ADRA1A: variants seen among roughly 807,000 people sequenced by gnomAD.
ADRA1A encodes the protein adrenoceptor alpha 1A, also known as alpha-1A adrenergic receptor.
A neutral mutation model predicts 29.6 loss-of-function variants in ADRA1A; 31 were observed. That is an observed-to-expected ratio of 1.05 (90% CI 0.79 to 1.41). The LOEUF is 1.41. Ranked by LOEUF, ADRA1A falls within the 40% of genes most tolerant of loss-of-function variation. ADRA1A has a pLI of 0.00. For synonymous variants in ADRA1A, 311 were observed against 254.3 expected, an observed-to-expected ratio of 1.22 and a Z score of -2.12; for missense variants, 619 against 601.1, an observed-to-expected ratio of 1.03 and a Z score of -0.31.
chr8:26,854,416 A>AGGGG (rs1200564632), intron 2 of ADRA1A: 6 of 18,666 alleles, frequency 3.2e-4, no homozygotes, highest in Admixed American at 6.9e-4. Context: ...CTGAAGTTAA[A>AGGGG]GCGGGGCGGG....
At position 26,866,595 on chromosome 8, in the gene ADRA1A, G is replaced by C. The variant is rs1813920967; in HGVS notation, c.-687+341C>G. Among the ~76,000 whole-genome samples, 1 of 152,164 alleles carries C rather than the reference G, an allele frequency of 6.6e-6. No homozygotes were observed. Among genetic ancestry groups the C allele is most frequent in the Admixed American group, 6.5e-5 (1 of 15,278 alleles). ...CGCGGCGTGAGGAAGTGCCCACCTTGCCTTCTGGGGTTGGGCCCTGAGGTG... is the reference window on the plus strand; with the variant it reads ...CGCGGCGTGAGGAAGTGCCCACCTTCCCTTCTGGGGTTGGGCCCTGAGGTG... On this transcript the variant is annotated intron_variant, in intron 1 of 2. Coordinates refer to ENST00000380573, the MANE Select transcript of ADRA1A (RefSeq NM_000680.4). This position sits in a 1 kb window ranked among gnomAD's most constrained non-coding sequence, Gnocchi z 5.7.
downstream of ADRA1A, among the ~76,000 whole-genome samples, chr8:26,752,396 G>A (rs1804958463): frequency 6.6e-6 from 1 of 152,170 alleles, no homozygotes; most frequent in South Asian, 2.1e-4. Flanking sequence ...TACCTGGCCT[G>A]TGCCATGTTA....
chr8:26,754,287 T>G (rs1016555220), downstream of ADRA1A, among the ~76,000 whole-genome samples: 4 of 152,198 alleles, frequency 2.6e-5, no homozygotes, highest in African/African-American at 9.7e-5. Flanking sequence ...CATAAATATA[T>G]TATTCTGACA....
At chr8:26,758,139 G>A (rs2130187691) in intron 2 of ADRA1A, among the ~76,000 whole-genome samples, 1 of 152,302 alleles carries the variant, frequency 6.6e-6, no homozygotes. Context: ...AAATAGTGTG[G>A]TGTGGGGAAT....
chr8:26,793,628 A>G (rs1402112431), intron 2 of ADRA1A, among the ~76,000 whole-genome samples: 1 of 152,014 alleles, frequency 6.6e-6, no homozygotes, highest in East Asian at 1.9e-4. Flanking sequence ...GTCCATCAGT[A>G]ATAAGAAATA....
At chr8:26,779,663 A>C (rs935958484) in intron 2 of ADRA1A, among the ~76,000 whole-genome samples, 1 of 152,100 alleles carries the variant, frequency 6.6e-6, no homozygotes, top group Non-Finnish European at 1.5e-5. Flanking sequence ...TGTCTATCCT[A>C]GAGGTTTACT....
downstream of ADRA1A, among the ~76,000 whole-genome samples, chr8:26,754,767 CCTAA>C (rs914213197): frequency 6.6e-6 from 1 of 152,206 alleles, no homozygotes. Context: ...TCAAGTCCTT[CCTAA>C]CTGTTAGTTG....
chr8:26,753,491 G>C (rs1445669612), downstream of ADRA1A, among the ~76,000 whole-genome samples: 1 of 151,828 alleles, frequency 6.6e-6, no homozygotes, highest in Non-Finnish European at 1.5e-5. Flanking sequence ...GATTCTTGAA[G>C]AAAATAATAA....
intron 2 of ADRA1A, among the ~76,000 whole-genome samples, chr8:26,757,421 G>A (rs570599176): frequency 9.2e-5 from 14 of 152,132 alleles, no homozygotes; most frequent in Admixed American, 7.9e-4. Flanking sequence ...GACTCGACTG[G>A]CAGAACCTGA....
In ADRA1A at chr8:26,769,826, C is replaced by T. The variant is rs1046960475; in HGVS notation, c.*323G>A. ...AAATATTCATGATGAAATCATAATC[C>T]TATATTTATAGTCTTTTGGATTGTG... is the stretch of plus-strand genomic sequence containing the variant. On this transcript the variant is annotated 3_prime_UTR_variant, in exon 3 of 3. Transcript: ENST00000380573. The T allele has an allele frequency of 3.9e-5, 41 of 1,061,594 alleles. No individual in the cohort carries two copies. The African/African-American group carries it at 5.8e-4, about 15-fold the overall frequency. The allele number at this position is 1,061,594 out of a possible 1,614,324, so 65.8% of individuals were successfully genotyped here.
At chr8:26,842,301 T>G (rs367765565) in intron 2 of ADRA1A, among the ~76,000 whole-genome samples, 1 of 152,224 alleles carries the variant, frequency 6.6e-6, no homozygotes, top group Non-Finnish European at 1.5e-5. Flanking sequence ...GCTACCATAT[T>G]GGACAGCATA....
At chr8:26,853,038 T>C (rs768550911) in intron 2 of ADRA1A, among the ~76,000 whole-genome samples, 3 of 152,104 alleles carry the variant, frequency 2.0e-5, no homozygotes, top group Non-Finnish European at 4.4e-5. Context: ...TCAATGTCAA[T>C]GAAAAAAGAT....
At position 26,865,471 on chromosome 8, in the gene ADRA1A, C is replaced by T. The variant is rs1404879225; in HGVS notation, c.-502G>A. 43 of 784,034 alleles carry T rather than the reference C, an allele frequency of 5.5e-5. No individual in the cohort carries two copies. Among genetic ancestry groups the T allele is most frequent in the Non-Finnish European group, 5.8e-5 (40 of 691,320 alleles). 48.6% of individuals were successfully genotyped at this position (784,034 alleles called of 1,614,324 possible). ...GCCGTCGACGCTCAAAGGCAGGGAC[C>T]GATGGTTGGGTAGCGCAGCGCTACA... is the stretch of plus-strand genomic sequence containing the variant. On this transcript the variant is annotated 5_prime_UTR_variant, in exon 2 of 3. Transcript: ENST00000380573. This position sits in a 1 kb window ranked among gnomAD's most constrained non-coding sequence, Gnocchi z 7.6.
In ADRA1A at chr8:26,865,560, C is replaced by A; in HGVS notation, c.-591G>T. The A allele has an allele frequency of 1.0e-6, 1 of 991,748 alleles. No individual in the cohort carries two copies. 61.4% of individuals were successfully genotyped at this position (991,748 alleles called of 1,614,324 possible). Reference sequence around the variant, plus strand: ...TGAGCTGCCCCACCGAAGGCTCCTGCTCTCTCCAGCTTCTAGGAGCACAGG... The same window carrying A: ...TGAGCTGCCCCACCGAAGGCTCCTGATCTCTCCAGCTTCTAGGAGCACAGG... On this transcript the variant is annotated 5_prime_UTR_variant, in exon 2 of 3. Coordinates refer to ENST00000380573, the MANE Select transcript of ADRA1A (RefSeq NM_000680.4). The surrounding 1 kb of genome is among the most constrained non-coding windows in gnomAD (Gnocchi z 7.6).
At chr8:26,798,888 G>A (rs560198763) in intron 2 of ADRA1A, among the ~76,000 whole-genome samples, 139 of 152,276 alleles carry the variant, frequency 9.1e-4, no homozygotes, top group Non-Finnish European at 1.5e-3. Flanking sequence ...CATCTCTGAT[G>A]TATGACAGTT....
At chr8:26,847,083 C>G (rs527349078) in intron 2 of ADRA1A, among the ~76,000 whole-genome samples, 4 of 152,032 alleles carry the variant, frequency 2.6e-5, no homozygotes, top group African/African-American at 7.2e-5. Context: ...GTGGGGGGAA[C>G]AGGGAGGGAT....
chr8:26,793,477 C>G (rs1807972803), intron 2 of ADRA1A, among the ~76,000 whole-genome samples: 1 of 151,720 alleles, frequency 6.6e-6, no homozygotes. Context: ...CAAATTAAAA[C>G]AAAGGAAGCA....
At position 26,864,983 on chromosome 8, in the gene ADRA1A, GC is replaced by G. The variant is rs1003748974; in HGVS notation, c.-15del. ...GAGAAACACCATGGTCCCAGCCGGG[GC>G]CGGGCGAGGTCCGGCTGTCCAGGGC... On this transcript the variant is annotated 5_prime_UTR_variant, in exon 2 of 3. Transcript: ENST00000380573. The surrounding 1 kb of genome is among the most constrained non-coding windows in gnomAD (Gnocchi z 8.1). The G allele has an allele frequency of 6.3e-7, 1 of 1,580,390 alleles. No homozygotes were observed. The highest frequency in any genetic ancestry group is 1.7e-5 in the Admixed American group (1 of 58,582).
At position 26,769,127 on chromosome 8, in the gene ADRA1A, T is replaced by C. The variant is rs1805955045; in HGVS notation, c.*1022A>G. On this transcript the variant is annotated 3_prime_UTR_variant, in exon 3 of 3. Transcript: ENST00000380573. ...ATGCAATAGTGAAGCAGATAAGAAG[T>C]AATGGGAGACAATCTTTTGCCTTTC... The C allele has an allele frequency of 1.0e-6, 1 of 985,298 alleles. No individual in the cohort carries two copies. Among genetic ancestry groups the C allele is most frequent in the African/African-American group, 1.7e-5 (1 of 57,244 alleles). 61.0% of individuals were successfully genotyped at this position (985,298 alleles called of 1,614,324 possible).
Sources: gnomAD v4.1 joint callset for allele counts (sites outside exome capture counted in the v4.1 genomes callset) on GRCh38, gnomAD v4.1.1 for gene constraint, Gnocchi (gnomAD v3.1) non-coding constraint, MANE v1.5 for transcripts, NCBI Gene and HGNC (gene_info 2026-07-23, HGNC 2026-07-21) for gene names.